Variants in ROBO1 observed in about 807,000 individuals in gnomAD.
The protein encoded by ROBO1 is roundabout guidance receptor 1.
A neutral mutation model predicts 195.9 loss-of-function variants in ROBO1; 149 were observed. The ratio of observed to expected loss-of-function variants is 0.76; its 90% confidence interval spans 0.67 to 0.87. The LOEUF (loss-of-function observed/expected upper bound fraction) is 0.87. ROBO1 is among the 40% of genes least tolerant of loss of function. ROBO1 has a pLI of 0.00. For synonymous variants in ROBO1, 816 were observed against 733.2 expected (o/e 1.11, Z -1.82); for missense variants, 1,933 against 2,068.3 (o/e 0.93, Z 1.27).
intron 2 of ROBO1, among the ~76,000 whole-genome samples, chr3:79,195,903 G>A (rs1262050695): frequency 6.6e-6 from 1 of 151,122 alleles, no homozygotes; most frequent in African/African-American, 2.4e-5. Context: ...CAAATGTCAG[G>A]AAAAGGAGGT....
At chr3:79,596,376 G>A (rs1323912854) in intron 1 of ROBO1, among the ~76,000 whole-genome samples, 1 of 151,998 alleles carries the variant, frequency 6.6e-6, no homozygotes, top group Non-Finnish European at 1.5e-5. Context: ...CAAGGAAGTA[G>A]CCAAAGTGGG....
chr3:78,930,366 C>T (rs112265110), intron 4 of ROBO1, among the ~76,000 whole-genome samples: 150 of 152,262 alleles, frequency 9.9e-4, no homozygotes, highest in African/African-American at 3.5e-3. Flanking sequence ...GCCATGTGAG[C>T]ACAGACTGCA....
At chr3:79,195,133 T>C (rs1033367173) in intron 2 of ROBO1, among the ~76,000 whole-genome samples, 7 of 151,540 alleles carry the variant, frequency 4.6e-5, no homozygotes, top group African/African-American at 7.3e-5. Context: ...CAGGTGCTAA[T>C]TGTTTGATCT....
intron 4 of ROBO1, among the ~76,000 whole-genome samples, chr3:78,839,139 G>A (rs1179568394): frequency 6.6e-6 from 1 of 152,092 alleles, no homozygotes; most frequent in Admixed American, 6.6e-5. Context: ...TGATACCAAA[G>A]AGTAAAAAGC....
intron 3 of ROBO1, among the ~76,000 whole-genome samples, chr3:78,986,240 A>G (rs1302170888): frequency 6.6e-6 from 1 of 152,130 alleles, no homozygotes; most frequent in Non-Finnish European, 1.5e-5. Flanking sequence ...CCACCTCACC[A>G]TTTGGTGCCC....
chr3:79,324,178 TTGA>T (rs924830514), intron 2 of ROBO1, among the ~76,000 whole-genome samples: 3 of 152,152 alleles, frequency 2.0e-5, no homozygotes, highest in African/African-American at 7.2e-5. Flanking sequence ...AAGAACAATT[TTGA>T]TGTGCCTGTA....
intron 2 of ROBO1, among the ~76,000 whole-genome samples, chr3:79,471,647 A>T (rs115603643): frequency 0.011 from 1,629 of 152,212 alleles, 29 homozygotes; most frequent in African/African-American, 0.037. Flanking sequence ...AGGTCTTCTG[A>T]ATTTAGACAA....
Position 78,651,842 on chromosome 3 carries a change from G to T in ROBO1, c.2702C>A (p.Ala901Glu). ...GATCCAACAGGCTGCTCCAATACCT[G>T]CTATGAAGGCCGGCTGCTTCACCAC... Reference protein sequence around the residue: ...SDVVKQPAFIAGIGAACWIIL... With the variant: ...SDVVKQPAFIEGIGAACWIIL... The change falls in exon 19 of 31, where the codon GCA becomes GAA. Residue 901 changes from alanine (A) to glutamate (E), a missense_variant. This residue lies in a region of ROBO1 where 1,737 missense variants were observed against 1,882.5 expected (regional missense o/e 0.92). Transcript: ENST00000464233. The T allele has an allele frequency of 6.2e-7, 1 of 1,613,800 alleles. No individual in the cohort carries two copies. Among genetic ancestry groups the T allele is most frequent in the Non-Finnish European group, 8.5e-7 (1 of 1,179,760 alleles).
In ROBO1 at chr3:78,661,232, T is replaced by C. The variant is rs755815282; in HGVS notation, c.2118A>G (p.Gly706=). ...CAGATGGCCGATAGAGAATTTTATA[T>C]CCTTGTATATACTGAGACTGTTGAT... ...TVDQQSQYIQ[G]YKILYRPSGA... The change falls in exon 16 of 31, where the codon GGA becomes GGG. Residue 706 remains glycine, a synonymous_variant. Coordinates refer to ENST00000464233, the MANE Select transcript of ROBO1 (RefSeq NM_002941.4). 4 of 1,610,018 alleles carry C rather than the reference T, an allele frequency of 2.5e-6. No homozygotes were observed. Among genetic ancestry groups the C allele is most frequent in the South Asian group, 1.1e-5 (1 of 90,520 alleles).
At chr3:79,562,258 A>C (rs1175749400) in intron 2 of ROBO1, among the ~76,000 whole-genome samples, 3 of 144,726 alleles carry the variant, frequency 2.1e-5, no homozygotes, top group African/African-American at 7.9e-5. Flanking sequence ...GCCTACTTTA[A>C]TATTATAAAC....
chr3:78,962,823 CAAAAAAAAAAAAA>C (rs770515270), intron 3 of ROBO1, among the ~76,000 whole-genome samples: 2 of 26,218 alleles, frequency 7.6e-5, no homozygotes, highest in African/African-American at 1.2e-4. Context: ...GACTCCATCT[CAAAAAAAAAAAAA>C]AAAAAAAAAA....
intron 3 of ROBO1, among the ~76,000 whole-genome samples, chr3:78,944,124 G>A (rs1339391221): frequency 6.6e-6 from 1 of 152,134 alleles, no homozygotes; most frequent in South Asian, 2.1e-4. Context: ...GTCCATATGG[G>A]GGAACTGAGA....
At chr3:79,480,921 T>C (rs1048489049) in intron 2 of ROBO1, among the ~76,000 whole-genome samples, 6 of 152,148 alleles carry the variant, frequency 3.9e-5, no homozygotes, top group Non-Finnish European at 7.4e-5. Context: ...AAGCATAATA[T>C]AGCAATTTCT....
At chr3:79,549,031 C>G (rs187037750) in intron 2 of ROBO1, among the ~76,000 whole-genome samples, 11 of 152,236 alleles carry the variant, frequency 7.2e-5, no homozygotes, top group Admixed American at 2.6e-4. Context: ...ATTGTTCCTT[C>G]AAGGGATGTG....
chr3:79,575,584 T>A (rs550930294), intron 2 of ROBO1, among the ~76,000 whole-genome samples: 34 of 142,044 alleles, frequency 2.4e-4, no homozygotes, highest in African/African-American at 7.7e-4. Flanking sequence ...ATAACAAATT[T>A]TATATATATA....
chr3:79,543,866 G>A (rs1258809912), intron 2 of ROBO1, among the ~76,000 whole-genome samples: 1 of 152,004 alleles, frequency 6.6e-6, no homozygotes, highest in African/African-American at 2.4e-5. Flanking sequence ...CAAATGTGTG[G>A]TATCCTATAC....
chr3:79,274,050 C>T (rs529968649), intron 2 of ROBO1, among the ~76,000 whole-genome samples: 1 of 151,972 alleles, frequency 6.6e-6, no homozygotes, highest in Non-Finnish European at 1.5e-5. Context: ...GAGATAGACC[C>T]CAACATAATA....
intron 8 of ROBO1, among the ~76,000 whole-genome samples, chr3:78,697,396 G>T (rs534582633): frequency 1.3e-5 from 2 of 152,258 alleles, no homozygotes; most frequent in South Asian, 2.1e-4. Context: ...TGGAGGAAAA[G>T]ACCTTTTTCA....
intron 2 of ROBO1, among the ~76,000 whole-genome samples, chr3:79,308,455 A>G (rs2033327223): frequency 6.6e-6 from 1 of 152,208 alleles, no homozygotes; most frequent in Admixed American, 6.5e-5. Flanking sequence ...TTCACTTTAC[A>G]TTTCTTTTAC....
Sources: gnomAD v4.1 joint callset for allele counts (sites outside exome capture counted in the v4.1 genomes callset) on GRCh38, gnomAD v4.1.1 for gene constraint, gnomAD v4.1.1 regional missense constraint, MANE v1.5 for transcripts, NCBI Gene and HGNC (gene_info 2026-07-23, HGNC 2026-07-21) for gene names.